Variants in CACNA1C observed in about 807,000 individuals in gnomAD.
CACNA1C encodes calcium voltage-gated channel subunit alpha1 C.
In CACNA1C, 30 loss-of-function variants were observed where a neutral mutation model predicts 229.0. That is an observed-to-expected ratio of 0.13 (90% confidence interval 0.10 to 0.18). CACNA1C has a LOEUF of 0.18. Among genes scored for constraint, CACNA1C ranks in the 10% least tolerant of loss-of-function variants. The pLI is 1.00. For missense variants in CACNA1C, 1,658 were observed against 2,845.0 expected, an observed-to-expected ratio of 0.58 and a Z score of 9.49; for synonymous variants, 1,114 against 1,132.5, an observed-to-expected ratio of 0.98 and a Z score of 0.33.
Position 2,566,364 on chromosome 12 carries a change from T to C in CACNA1C, c.1509-58T>C. On this transcript the variant is annotated intron_variant, in intron 11 of 46. Coordinates refer to ENST00000399655, the MANE Select transcript of CACNA1C (RefSeq NM_000719.7). This position sits in a 1 kb window ranked among gnomAD's most constrained non-coding sequence, Gnocchi z 4.0. The stretch of plus-strand genomic sequence containing the variant: ...AAGAGCCATGGTGCTGCATCTTGGG[T>C]TGGAGGAAACCTGAATTCACAGCCA... 4 of 1,466,986 alleles carry C rather than the reference T, an allele frequency of 2.7e-6. No individual in the cohort carries two copies. The Admixed American group carries it at 8.1e-5, about 30-fold the overall frequency. 90.9% of individuals were successfully genotyped at this position (1,466,986 alleles called of 1,614,324 possible).
intron 5 of CACNA1C, among the ~76,000 whole-genome samples, chr12:2,458,949 T>C (rs986396679): frequency 6.6e-6 from 1 of 151,662 alleles, no homozygotes; most frequent in Non-Finnish European, 1.5e-5. Flanking sequence ...AAGTGGTATA[T>C]CTCTCTTGAT....
intron 3 of CACNA1C, among the ~76,000 whole-genome samples, chr12:2,445,736 G>C (rs911407540): frequency 6.6e-6 from 1 of 152,152 alleles, no homozygotes; most frequent in African/African-American, 2.4e-5. Flanking sequence ...AAAGCAGCCT[G>C]TCAATGAGGA....
Position 2,679,571 on chromosome 12 carries a change from C to T in CACNA1C, c.5219C>T (p.Thr1740Ile). ...AAGGCGGGCAGCAGCCAGGGCGACA[C>T]TGAGTCGCCATCCCACGAGAAGCTG... is the stretch of plus-strand genomic sequence containing the variant. Reference protein sequence around the residue: ...INKAGSSQGDTESPSHEKLVD... With the variant: ...INKAGSSQGDIESPSHEKLVD... The change falls in exon 42 of 47, where the codon ACT becomes ATT. Residue 1740 changes from threonine to isoleucine, a missense_variant. Physicochemically the swap from Thr to Ile is moderately conservative, Grantham distance 89. Transcript: ENST00000399655. The surrounding 1 kb of genome is among the most constrained non-coding windows in gnomAD (Gnocchi z 5.5). 1.2e-6 allele frequency: 2 copies of T among 1,613,712 alleles called. No individual in the cohort carries two copies. Among genetic ancestry groups the T allele is most frequent in the Non-Finnish European group, 1.7e-6 (2 of 1,179,790 alleles).
chr12:2,145,317 T>C (rs898761986), intron 3 of CACNA1C, among the ~76,000 whole-genome samples: 4 of 151,358 alleles, frequency 2.6e-5, no homozygotes, highest in East Asian at 3.9e-4. Context: ...TTTCATTTTC[T>C]CCAGTGTAGA....
Position 2,608,524 on chromosome 12 carries a change from T to A in CACNA1C, c.3370T>A (p.Ser1124Thr). Reference protein sequence around the residue: ...FEGWPELLYRSIDSHTEDKGP... With the variant: ...FEGWPELLYRTIDSHTEDKGP... ...CTCCTCCTGCAGGCTGCTGTACCGC[T>A]CCATCGACTCCCACACGGAAGACAA... The change falls in exon 27 of 47, where the codon TCC (serine) becomes ACC (threonine). Residue 1124 changes from serine to threonine, a missense_variant. By Grantham distance (58) the Ser-to-Thr change is moderately conservative. This residue lies in a region of CACNA1C where 77 missense variants were observed against 130.9 expected (regional missense o/e 0.59). Coordinates refer to ENST00000399655, the MANE Select transcript of CACNA1C (RefSeq NM_000719.7). The surrounding 1 kb of genome is among the most constrained non-coding windows in gnomAD (Gnocchi z 4.2). The A allele has an allele frequency of 6.2e-7, 1 of 1,610,624 alleles. No homozygotes were observed. Among genetic ancestry groups the A allele is most frequent in the Non-Finnish European group, 8.5e-7 (1 of 1,178,228 alleles).
intron 10 of CACNA1C, among the ~76,000 whole-genome samples, chr12:2,551,504 C>T (rs960065862): frequency 3.3e-5 from 5 of 152,134 alleles, no homozygotes; most frequent in Non-Finnish European, 7.3e-5. Flanking sequence ...TAATATGCCC[C>T]GAATAAAATG....
At chr12:2,307,786 C>G (rs939448070) in intron 3 of CACNA1C, among the ~76,000 whole-genome samples, 2 of 152,182 alleles carry the variant, frequency 1.3e-5, no homozygotes, top group African/African-American at 4.8e-5. Context: ...CTTAAGCCCA[C>G]TTACATAACA....
At chr12:2,384,028 A>C (rs533607164) in intron 3 of CACNA1C, among the ~76,000 whole-genome samples, 1 of 152,226 alleles carries the variant, frequency 6.6e-6, no homozygotes, top group Non-Finnish European at 1.5e-5. Flanking sequence ...CCACCCCTAC[A>C]TGGAGAACCT....
chr12:1,993,646 GTGTGTGTGTGTA>G (rs1210797921), intron 1 of CACNA1C, among the ~76,000 whole-genome samples: 16 of 149,204 alleles, frequency 1.1e-4, no homozygotes. Context: ...GTGTGTGTGT[GTGTGTGTGTGTA>G]TACAGATGTT....
chr12:2,097,398 G>A lies in CACNA1C; in HGVS notation c.50-17826G>A, dbSNP rs547645484. Among the ~76,000 whole-genome samples the A allele has an allele frequency of 3.0e-3, 456 of 152,004 alleles. 2 individuals are homozygous for A. Among genetic ancestry groups the A allele is most frequent in the Middle Eastern group, 6.8e-3 (2 of 294 alleles). ...CCTGACCTTGTGATCCGCCCGCCTCGACCTCCCAAAGTGCTGGGATTACAG... is the reference window on the plus strand; with the variant it reads ...CCTGACCTTGTGATCCGCCCGCCTCAACCTCCCAAAGTGCTGGGATTACAG... On this transcript the variant is annotated intron_variant, in intron 1 of 46. Coordinates refer to ENST00000399655, the MANE Select transcript of CACNA1C (RefSeq NM_000719.7).
chr12:2,120,215 T>G, intron 2 of CACNA1C, 110 bp from the exon 3 acceptor site: 1 of 739,746 alleles, frequency 1.4e-6, no homozygotes, highest in South Asian at 1.5e-5. Context: ...TGGAATGCAT[T>G]GTTTAAACAA....
intron 3 of CACNA1C, among the ~76,000 whole-genome samples, chr12:2,251,000 C>T (rs11615998): frequency 2.0e-5 from 3 of 152,142 alleles, no homozygotes; most frequent in Non-Finnish European, 4.4e-5. Flanking sequence ...TCCAGCATGA[C>T]GCAGAAGGAG....
chr12:2,138,916 C>T (rs2093845490), intron 3 of CACNA1C, among the ~76,000 whole-genome samples: 1 of 150,602 alleles, frequency 6.6e-6, no homozygotes, highest in Admixed American at 6.7e-5. Flanking sequence ...TCTGCTCCTC[C>T]ATGACTGGCT....
At chr12:2,429,200 T>TAGG (rs1277873401) in intron 3 of CACNA1C, among the ~76,000 whole-genome samples, 1 of 152,092 alleles carries the variant, frequency 6.6e-6, no homozygotes, top group Non-Finnish European at 1.5e-5. Context: ...CATATTGGAT[T>TAGG]AGGGGCCCAC....
chr12:2,337,764 A>G (rs1333319451), intron 3 of CACNA1C, among the ~76,000 whole-genome samples: 1 of 152,234 alleles, frequency 6.6e-6, no homozygotes, highest in Non-Finnish European at 1.5e-5. Flanking sequence ...GGCTGCCCAG[A>G]GGAACTGAGT....
rs538314183 is a variant in CACNA1C, at chr12:2,490,992, C to T, written c.917-2198C>T. ...AGCCCAAACCTGGAAATAATCCAGACGTCCATCAGCTGGTGAATGGATAAA... is the reference window on the plus strand; with the variant it reads ...AGCCCAAACCTGGAAATAATCCAGATGTCCATCAGCTGGTGAATGGATAAA... On this transcript the variant is annotated intron_variant, in intron 6 of 46. Coordinates refer to ENST00000399655, the MANE Select transcript of CACNA1C (RefSeq NM_000719.7). Among the ~76,000 whole-genome samples the T allele has an allele frequency of 7.9e-5, 12 of 152,314 alleles. No individual in the cohort carries two copies. The South Asian group carries it at 2.3e-3, about 29-fold the overall frequency.
chr12:2,231,250 G>A (rs1599932763), intron 3 of CACNA1C, among the ~76,000 whole-genome samples: 2 of 152,292 alleles, frequency 1.3e-5, no homozygotes, highest in South Asian at 2.1e-4. Flanking sequence ...ATTCACCATA[G>A]TATCTAAGCC....
intron 11 of CACNA1C, among the ~76,000 whole-genome samples, chr12:2,561,381 G>A (rs907736632): frequency 2.6e-5 from 4 of 152,244 alleles, no homozygotes; most frequent in Non-Finnish European, 5.9e-5. Flanking sequence ...CTGTGTCTCC[G>A]TGTAGCTTTT....
chr12:2,297,555 G>A lies in CACNA1C; in HGVS notation c.478-151421G>A, dbSNP rs535075605. On this transcript the variant is annotated intron_variant, in intron 3 of 46. Transcript: ENST00000399655. ...AGAGAGATGCTAGGGGGTCGTTTCT[G>A]TAGAAAGCAGACGCCCAGGTGTGTA... Among the ~76,000 whole-genome samples the A allele has an allele frequency of 2.0e-5, 3 of 152,336 alleles. No individual in the cohort carries two copies. In the East Asian group the frequency reaches 5.8e-4, roughly 29 times the overall value.
Sources: allele counts gnomAD v4.1 joint callset (sites outside exome capture counted in the v4.1 genomes callset), GRCh38; gene constraint gnomAD v4.1.1; regional missense constraint gnomAD v4.1.1; non-coding constraint Gnocchi (gnomAD v3.1); transcripts MANE v1.5; gene names NCBI Gene and HGNC (gene_info 2026-07-23, HGNC 2026-07-21).